The following PLCH1 variants were observed in gnomAD, a reference collection of about 807,000 sequenced individuals.
PLCH1 encodes the protein 1-phosphatidylinositol 4,5-bisphosphate phosphodiesterase eta-1.
In PLCH1, 60 loss-of-function variants were observed where a neutral mutation model predicts 126.7. That is an observed-to-expected ratio of 0.47 (90% CI 0.38 to 0.59). The LOEUF is 0.59. PLCH1 is among the 20% of genes least tolerant of loss of function. The pLI, the probability that PLCH1 is intolerant of heterozygous loss-of-function variation, is 0.00. For missense variants in PLCH1, 1,723 were observed against 2,040.0 expected (o/e 0.84, Z 2.99); for synonymous variants, 719 against 734.9 (o/e 0.98, Z 0.35).
chr3:155,460,085 C>T (rs146755828), intron 21 of PLCH1, among the ~76,000 whole-genome samples: 1 of 152,034 alleles, frequency 6.6e-6, no homozygotes, highest in Admixed American at 6.5e-5. Context: ...ATTGAACCAG[C>T]GTTTTGATTT....
At chr3:155,626,082 T>A (rs2108791346) in intron 2 of PLCH1, among the ~76,000 whole-genome samples, 1 of 152,258 alleles carries the variant, frequency 6.6e-6, no homozygotes, top group South Asian at 2.1e-4. Flanking sequence ...TGCAGGGACA[T>A]GGATGAAGCT....
intron 2 of PLCH1, among the ~76,000 whole-genome samples, chr3:155,699,535 CAT>C: frequency 1.3e-5 from 2 of 152,280 alleles, no homozygotes; most frequent in South Asian, 4.1e-4. Flanking sequence ...GCTACTCTAA[CAT>C]AAAATCTAGT....
At chr3:155,474,102 T>C (rs1361062948) in intron 21 of PLCH1, among the ~76,000 whole-genome samples, 1 of 152,084 alleles carries the variant, frequency 6.6e-6, no homozygotes, top group African/African-American at 2.4e-5. Context: ...AAAGAGCTTC[T>C]GCACAGCAAA....
rs142870276 is a variant in PLCH1, at chr3:155,653,256, C to T, written c.79+50890G>A. On this transcript the variant is annotated intron_variant, in intron 2 of 22. Transcript: ENST00000460012. ...CTGGTCTCAAACTCCTGGCCTCAAGCAATTTTCCAGCCTTGACCTCCCATG... is the reference window on the plus strand; with the variant it reads ...CTGGTCTCAAACTCCTGGCCTCAAGTAATTTTCCAGCCTTGACCTCCCATG... Among the ~76,000 whole-genome samples the T allele has an allele frequency of 1.3e-3, 201 of 152,264 alleles. 1 individual carries two copies. The highest frequency in any genetic ancestry group is 4.6e-3 in the African/African-American group (193 of 41,538).
intron 2 of PLCH1, among the ~76,000 whole-genome samples, chr3:155,663,077 T>G (rs1423046101): frequency 6.6e-6 from 1 of 152,216 alleles, no homozygotes; most frequent in Non-Finnish European, 1.5e-5. Flanking sequence ...AATCATGGTG[T>G]GCCAGCTCCA....
intron 1 of PLCH1, among the ~76,000 whole-genome samples, chr3:155,720,565 T>C (rs918867507): frequency 1.3e-5 from 2 of 152,006 alleles, no homozygotes; most frequent in African/African-American, 4.8e-5. Flanking sequence ...TTTGATGGGA[T>C]TATTTGTTTT....
intron 10 of PLCH1, among the ~76,000 whole-genome samples, chr3:155,542,568 C>T (rs1195643571): frequency 6.6e-6 from 1 of 152,100 alleles, no homozygotes; most frequent in East Asian, 1.9e-4. Context: ...GATCTGAGAA[C>T]AGGCAGACTG....
intron 2 of PLCH1, among the ~76,000 whole-genome samples, chr3:155,654,367 T>G (rs564675892): frequency 6.6e-6 from 1 of 152,210 alleles, no homozygotes; most frequent in Admixed American, 6.5e-5. Flanking sequence ...TACGTGATGA[T>G]TCCCTAATGT....
chr3:155,470,510 T>C (rs1713161074), intron 21 of PLCH1, among the ~76,000 whole-genome samples: 1 of 152,130 alleles, frequency 6.6e-6, no homozygotes, highest in Non-Finnish European at 1.5e-5. Context: ...CTGCAGGATA[T>C]TATCCAGGAG....
At chr3:155,626,688 G>A (rs1406769207) in intron 2 of PLCH1, among the ~76,000 whole-genome samples, 1 of 141,654 alleles carries the variant, frequency 7.1e-6, no homozygotes, top group African/African-American at 2.6e-5. Context: ...AGAATGGCAT[G>A]AACCCGGGAG....
chr3:155,730,339 T>G (rs1369288173), intron 1 of PLCH1, among the ~76,000 whole-genome samples: 1 of 152,002 alleles, frequency 6.6e-6, no homozygotes, highest in African/African-American at 2.4e-5. Context: ...GGGAGTGCAG[T>G]GGGGTAACCT....
chr3:155,580,768 A>G (rs1730564043), intron 6 of PLCH1, among the ~76,000 whole-genome samples: 1 of 152,178 alleles, frequency 6.6e-6, no homozygotes, highest in African/African-American at 2.4e-5. Flanking sequence ...GATAATTGTA[A>G]TAAATTTTAT....
At chr3:155,544,583 A>T (rs1440910633) in intron 10 of PLCH1, among the ~76,000 whole-genome samples, 5 of 152,086 alleles carry the variant, frequency 3.3e-5, no homozygotes, top group Admixed American at 1.3e-4. Flanking sequence ...ACAGAATATA[A>T]ATTTTTTTCA....
chr3:155,521,269 T>C (rs1721072047), intron 11 of PLCH1, among the ~76,000 whole-genome samples: 1 of 152,202 alleles, frequency 6.6e-6, no homozygotes, highest in African/African-American at 2.4e-5. Flanking sequence ...TTATTTCTTG[T>C]CTATCCTCCT....
At chr3:155,700,041 T>G (rs1746150697) in intron 2 of PLCH1, among the ~76,000 whole-genome samples, 1 of 152,184 alleles carries the variant, frequency 6.6e-6, no homozygotes, top group Non-Finnish European at 1.5e-5. Flanking sequence ...CACAGAGACC[T>G]CACACCTTGC....
chr3:155,517,406 G>A (rs930145811), intron 11 of PLCH1, among the ~76,000 whole-genome samples: 3 of 152,114 alleles, frequency 2.0e-5, no homozygotes, highest in African/African-American at 7.2e-5. Context: ...TTTCTCACAC[G>A]TCTGGAGGCC....
intron 21 of PLCH1, among the ~76,000 whole-genome samples, chr3:155,452,836 C>T (rs1224541565): frequency 1.3e-5 from 2 of 151,982 alleles, no homozygotes; most frequent in African/African-American, 4.8e-5. Flanking sequence ...TGAAGGAGAC[C>T]CTTATCTCCT....
At chr3:155,537,214 A>AAAAAAAAAAAAAAAAC (rs1723529865) in intron 10 of PLCH1, among the ~76,000 whole-genome samples, 1 of 9,238 alleles carries the variant, frequency 1.1e-4, no homozygotes, top group African/African-American at 1.7e-4. Flanking sequence ...AAAAAAAAAA[A>AAAAAAAAAAAAAAAAC]AAAAAAAAAA....
At chr3:155,593,850 T>C (rs937878016) in intron 4 of PLCH1, 91 bp downstream of exon 4, 2 of 1,321,216 alleles carry the variant, frequency 1.5e-6, no homozygotes, top group African/African-American at 2.9e-5. Context: ...ATGGGAAAAA[T>C]TAAAACATAG....
Sources: allele counts gnomAD v4.1 joint callset (sites outside exome capture counted in the v4.1 genomes callset), GRCh38; gene constraint gnomAD v4.1.1; transcripts MANE v1.5; gene names NCBI Gene and HGNC (gene_info 2026-07-23, HGNC 2026-07-21).